Variants in GLB1 observed in about 807,000 individuals in gnomAD.
GLB1 encodes the protein galactosidase beta 1.
In GLB1, 56 loss-of-function variants were observed where a neutral mutation model predicts 74.0. That is an observed-to-expected ratio of 0.76 (90% confidence interval 0.61 to 0.94). The LOEUF is 0.94. GLB1 is among the 40% of genes least tolerant of loss of function. The pLI, the probability that GLB1 is intolerant of heterozygous loss-of-function variation, is 0.00. For missense variants in GLB1, 787 were observed against 845.5 expected, an observed-to-expected ratio of 0.93 and a Z score of 0.86; for synonymous variants, 323 against 323.6, an observed-to-expected ratio of 1.00 and a Z score of 0.02.
chr3:33,091,631 A>G, intron 1 of GLB1: 1 of 984,322 alleles, frequency 1.0e-6, no homozygotes, highest in Non-Finnish European at 1.2e-6. Context: ...AACAATCTTG[A>G]GGTAGATACG....
chr3:33,033,940 C>G (rs1698164754), intron 10 of GLB1: 1 of 552,284 alleles, frequency 1.8e-6, no homozygotes, highest in Non-Finnish European at 3.6e-6. Flanking sequence ...ACTATGGCAC[C>G]CGCCTGGCAA....
In GLB1 at chr3:33,068,286, C is replaced by A. The variant is rs773562141; in HGVS notation, c.401G>T (p.Gly134Val). 1 of 1,614,024 alleles carries A rather than the reference C, an allele frequency of 6.2e-7. No individual in the cohort carries two copies. The highest frequency in any genetic ancestry group is 8.5e-7 in the Non-Finnish European group (1 of 1,179,998). ...PYICAEWEMG[G>V]LPAWLLEKES... is the part of the protein sequence containing the mutation. ...TTTCTCTAGCAGCCAAGCAGGTAAT[C>A]CTCCCTAGTTCAGGGAAAACAAGCC... The change falls in exon 4 of 16, where the codon GGA (glycine) becomes GTA (valine). Residue 134 changes from glycine (G) to valine (V), a missense_variant. Transcript: ENST00000307363.
intron 15 of GLB1, among the ~76,000 whole-genome samples, chr3:33,013,379 G>C (rs1697105444): frequency 1.3e-5 from 2 of 152,208 alleles, no homozygotes; most frequent in Non-Finnish European, 2.9e-5. Flanking sequence ...AGTTCCATGA[G>C]GGAAAGGACC....
rs1201111094 is a variant in GLB1, at chr3:33,090,600, C to G, written c.75+6411G>C. ...AGCTTCAAGTAACGTTTCTCACCACCTCCCCCGGCCACAAACAAACAAAAA... is the reference window on the plus strand; with the variant it reads ...AGCTTCAAGTAACGTTTCTCACCACGTCCCCCGGCCACAAACAAACAAAAA... On this transcript the variant is annotated intron_variant, in intron 1 of 15. Coordinates refer to ENST00000307363, the MANE Select transcript of GLB1 (RefSeq NM_000404.4). 7.1e-6 allele frequency: 7 copies of G among 985,220 alleles called. No individual in the cohort carries two copies. In the African/African-American group the frequency reaches 1.2e-4, roughly 17 times the overall value. The allele number at this position is 985,220 out of a possible 1,614,324, so 61.0% of individuals were successfully genotyped here.
intron 14 of GLB1, among the ~76,000 whole-genome samples, chr3:33,015,571 A>G (rs371112758): frequency 1.3e-5 from 2 of 152,230 alleles, no homozygotes; most frequent in South Asian, 4.1e-4. Flanking sequence ...GATAAATATT[A>G]ACCAGGTGGC....
At chr3:32,978,073 G>T in the GLB1 span, among the ~76,000 whole-genome samples, 1 of 152,184 alleles carries the variant, frequency 6.6e-6, no homozygotes, top group African/African-American at 2.4e-5. Flanking sequence ...GTACGTGATG[G>T]CCACGTTATG....
At chr3:33,033,182 G>C (rs749020261) in intron 10 of GLB1, among the ~76,000 whole-genome samples, 1 of 152,162 alleles carries the variant, frequency 6.6e-6, no homozygotes, top group Non-Finnish European at 1.5e-5. Flanking sequence ...ACCCAGCCCC[G>C]GAAGTACATG....
chr3:33,020,966 G>A (rs1396600507), intron 12 of GLB1, among the ~76,000 whole-genome samples: 6 of 151,972 alleles, frequency 3.9e-5, no homozygotes, highest in Admixed American at 3.9e-4. Context: ...GCATATGGGT[G>A]TTTATTGTAC....
At chr3:33,080,023 A>G (rs1268784441) in intron 1 of GLB1, among the ~76,000 whole-genome samples, 2 of 152,160 alleles carry the variant, frequency 1.3e-5, no homozygotes, top group African/African-American at 4.8e-5. Flanking sequence ...GCCTCAAGCA[A>G]TCCTCCCACC....
At chr3:33,046,637 C>G (rs68055727) in intron 9 of GLB1, among the ~76,000 whole-genome samples, 1 of 151,996 alleles carries the variant, frequency 6.6e-6, no homozygotes, top group African/African-American at 2.4e-5. Flanking sequence ...AACTTTTTCA[C>G]GTCCTCAAGC....
intron 15 of GLB1, among the ~76,000 whole-genome samples, chr3:33,010,646 G>A (rs1696982374): frequency 1.3e-5 from 2 of 152,100 alleles, no homozygotes; most frequent in East Asian, 1.9e-4. Context: ...TTCTGATAAA[G>A]TCCAATTTAT....
intron 12 of GLB1, 82 bp from the exon 13 acceptor site, chr3:33,018,643 G>A: frequency 1.4e-6 from 2 of 1,422,106 alleles, no homozygotes; most frequent in East Asian, 2.4e-5. Flanking sequence ...ATGTATGAAA[G>A]CGATGTTTCT....
chr3:33,043,990 G>A (rs1698642866), intron 10 of GLB1, among the ~76,000 whole-genome samples: 2 of 152,152 alleles, frequency 1.3e-5, no homozygotes, highest in Middle Eastern at 3.4e-3. Flanking sequence ...GAGCTACAAA[G>A]GGAAATACAT....
At chr3:33,083,172 T>C (rs906547716) in intron 1 of GLB1, among the ~76,000 whole-genome samples, 1 of 151,898 alleles carries the variant, frequency 6.6e-6, no homozygotes, top group Non-Finnish European at 1.5e-5. Flanking sequence ...CCGAGGCAGG[T>C]GGATCACCTG....
chr3:33,081,510 A>G (rs1700322784), intron 1 of GLB1, among the ~76,000 whole-genome samples: 1 of 152,188 alleles, frequency 6.6e-6, no homozygotes, highest in South Asian at 2.1e-4. Flanking sequence ...CAGAGACCCC[A>G]CTACCTGGCT....
intron 10 of GLB1, chr3:33,030,626 A>T (rs1204355525): frequency 1.0e-6 from 1 of 985,458 alleles, no homozygotes; most frequent in East Asian, 1.1e-4. Context: ...AACTTCATTA[A>T]GCTTTTGAAG....
intron 15 of GLB1, among the ~76,000 whole-genome samples, chr3:32,999,986 C>A (rs1414632994): frequency 1.3e-5 from 2 of 151,292 alleles, no homozygotes; most frequent in African/African-American, 4.9e-5. Flanking sequence ...GAGGCAAGAT[C>A]TCACTCCAGA....
the GLB1 span, among the ~76,000 whole-genome samples, chr3:32,980,018 C>T: frequency 7.2e-5 from 11 of 152,178 alleles, no homozygotes; most frequent in African/African-American, 2.6e-4. Flanking sequence ...ATGATCAAAT[C>T]AGTATAATTA....
chr3:33,011,181 G>C (rs1195775203), intron 15 of GLB1, among the ~76,000 whole-genome samples: 1 of 151,964 alleles, frequency 6.6e-6, no homozygotes, highest in Non-Finnish European at 1.5e-5. Context: ...AATAATCTAT[G>C]GTTCAAAGAA....
Sources: allele counts gnomAD v4.1 joint callset (sites outside exome capture counted in the v4.1 genomes callset), GRCh38; gene constraint gnomAD v4.1.1; transcripts MANE v1.5; gene names NCBI Gene and HGNC (gene_info 2026-07-23, HGNC 2026-07-21).